Variants in GLP2R observed in about 807,000 individuals in gnomAD.
GLP2R encodes the protein glucagon like peptide 2 receptor.
In GLP2R, 59 loss-of-function variants were observed where a neutral mutation model predicts 68.2. The ratio of observed to expected loss-of-function variants is 0.87; its 90% confidence interval spans 0.70 to 1.07. The LOEUF (loss-of-function observed/expected upper bound fraction) is 1.07. GLP2R is among the 50% of genes least tolerant of loss of function. The probability of loss-of-function intolerance (pLI) is 0.00; values close to 1 mark genes in which losing one functional copy is unlikely to be tolerated. For synonymous variants in GLP2R, 270 were observed against 265.4 expected (o/e 1.02, Z -0.17); for missense variants, 548 against 677.4 (o/e 0.81, Z 2.12).
At chr17:9,829,457 A>C (rs953152950) in intron 1 of GLP2R, among the ~76,000 whole-genome samples, 2 of 152,128 alleles carry the variant, frequency 1.3e-5, no homozygotes, top group East Asian at 1.9e-4. Context: ...ATGTTCAACT[A>C]TGAGGATTTT....
At chr17:9,886,086 A>G (rs1212369663) in intron 11 of GLP2R, among the ~76,000 whole-genome samples, 1 of 152,214 alleles carries the variant, frequency 6.6e-6, no homozygotes. Context: ...AGGCAAGAGC[A>G]CAGGTGGGCA....
rs767706625 is a variant in GLP2R at position 9,861,173 on chromosome 17, C to T, written c.960C>T (p.Phe320=). ...FPVLFVVPWG[F]ARAHLENTGC... ...TGCTATTTGTTGTACCCTGGGGTTT[C>T]GCCCGTGCACACCTGGAGAACACAG... Residue 320 remains phenylalanine (F), a synonymous_variant, in exon 8 of 13, where the codon TTC becomes TTT. Coordinates refer to ENST00000262441, the MANE Select transcript of GLP2R (RefSeq NM_004246.3). 2.2e-5 allele frequency: 35 copies of T among 1,613,022 alleles called. 1 individual carries two copies. The highest frequency in any genetic ancestry group is 8.9e-5 in the East Asian group (4 of 44,878).
intron 10 of GLP2R, among the ~76,000 whole-genome samples, chr17:9,879,384 C>A (rs1450182046): frequency 6.6e-6 from 1 of 151,788 alleles, no homozygotes; most frequent in Non-Finnish European, 1.5e-5. Flanking sequence ...ATAGTCCCAG[C>A]TTCTCTGGAG....
chr17:9,862,158 C>T, intron 9 of GLP2R, 68 bp downstream of exon 9: 2 of 1,125,704 alleles, frequency 1.8e-6, no homozygotes, highest in Non-Finnish European at 1.4e-6. Flanking sequence ...CCCGCCCCAC[C>T]CGACTTCTGT....
At chr17:9,887,869 A>G (rs2067257184) in intron 11 of GLP2R, 63 bp from the exon 12 acceptor site, 1 of 1,229,476 alleles carries the variant, frequency 8.1e-7, no homozygotes, top group Non-Finnish European at 1.2e-6. Flanking sequence ...GGACGTTGCC[A>G]GTAACTCTCA....
chr17:9,855,313 A>C (rs2066925204), intron 5 of GLP2R, among the ~76,000 whole-genome samples: 1 of 152,198 alleles, frequency 6.6e-6, no homozygotes, highest in Non-Finnish European at 1.5e-5. Flanking sequence ...TCCCAATCAG[A>C]GGCATTGAGT....
In GLP2R at chr17:9,859,958, G is replaced by A. The variant is rs754665708; in HGVS notation, c.782G>A (p.Arg261His). Residue 261 changes from arginine (R) to histidine (H), a missense_variant, in exon 7 of 13, where the codon CGC becomes CAC. Transcript: ENST00000262441. ...CCTCTGCAGATGTCCACCTCCTGCC[G>A]CTCAGTCCAGGTTCTCTTGCATTAC... ...SYLSEMSTSC[R>H]SVQVLLHYFV... is the part of the protein sequence containing the mutation. The A allele has an allele frequency of 1.3e-5, 21 of 1,604,894 alleles. No homozygotes were observed. The highest frequency in any genetic ancestry group is 3.4e-5 in the Admixed American group (2 of 59,412).
intron 9 of GLP2R, among the ~76,000 whole-genome samples, chr17:9,864,602 A>C (rs1042658856): frequency 7.2e-5 from 11 of 152,040 alleles, no homozygotes. Flanking sequence ...GACTCACTGC[A>C]ACCTCTGCTT....
intron 4 of GLP2R, among the ~76,000 whole-genome samples, chr17:9,851,129 A>G (rs535001282): frequency 6.6e-6 from 1 of 152,344 alleles, no homozygotes; most frequent in African/African-American, 2.4e-5. Context: ...AGAAAGCACA[A>G]AACACACACG....
At chr17:9,866,140 A>G (rs1407979872) in intron 9 of GLP2R, 1 of 334,086 alleles carries the variant, frequency 3.0e-6, no homozygotes, top group African/African-American at 2.2e-5. Flanking sequence ...ATGCAGAAAG[A>G]AGTGAAAGAG....
rs200591890 is a variant in GLP2R, at chr17:9,879,338, AAT to A, written c.1146-1038_1146-1037del. ...AATAAAATAAAATAAAATAAAATAA[AAT>A]AAAATAATTATCCAGGCACAGTTGT... On this transcript the variant is annotated intron_variant, in intron 10 of 12. Coordinates refer to ENST00000262441, the MANE Select transcript of GLP2R (RefSeq NM_004246.3). Among the ~76,000 whole-genome samples, 35 of 97,580 alleles carry A rather than the reference AAT, an allele frequency of 3.6e-4. 3 individuals carry two copies. In the East Asian group the frequency reaches 3.6e-3, roughly 10 times the overall value. The allele number at this position is 97,580 out of a possible 152,430, so 64.0% of individuals were successfully genotyped here.
At chr17:9,872,487 G>A (rs754790775) in intron 10 of GLP2R, among the ~76,000 whole-genome samples, 1 of 152,242 alleles carries the variant, frequency 6.6e-6, no homozygotes, top group Non-Finnish European at 1.5e-5. Context: ...TGAGGCAGGA[G>A]AATCACTTGA....
At chr17:9,852,690 G>C in intron 4 of GLP2R, 1 of 227,592 alleles carries the variant, frequency 4.4e-6, no homozygotes, top group Non-Finnish European at 8.8e-6. Flanking sequence ...TGATGGTTTT[G>C]AGTCTTTTCC....
intron 10 of GLP2R, among the ~76,000 whole-genome samples, chr17:9,871,597 C>T (rs1271366781): frequency 2.0e-5 from 3 of 152,072 alleles, no homozygotes; most frequent in Admixed American, 6.6e-5. Flanking sequence ...TGACAGCAGT[C>T]CTCATTCATA....
At chr17:9,831,741 T>C (rs2066681492) in intron 1 of GLP2R, among the ~76,000 whole-genome samples, 1 of 152,162 alleles carries the variant, frequency 6.6e-6, no homozygotes. Flanking sequence ...AGCTCTGGCC[T>C]GTTCTCCTGT....
chr17:9,854,342 C>A (rs1436830505), intron 4 of GLP2R, among the ~76,000 whole-genome samples, 153 bp from the exon 5 acceptor site: 1 of 152,188 alleles, frequency 6.6e-6, no homozygotes, highest in Non-Finnish European at 1.5e-5. Flanking sequence ...TCTAAACTAC[C>A]CTATTTGGGT....
intron 1 of GLP2R, 103 bp from the exon 2 acceptor site, chr17:9,833,704 T>C: frequency 2.9e-6 from 2 of 695,896 alleles, no homozygotes; most frequent in Middle Eastern, 2.5e-4. Flanking sequence ...TGTGGGCCAT[T>C]GTGGGCACTT....
intron 11 of GLP2R, among the ~76,000 whole-genome samples, chr17:9,882,980 C>A (rs2067210272): frequency 1.7e-5 from 2 of 116,952 alleles, no homozygotes; most frequent in African/African-American, 3.4e-5. Flanking sequence ...AAGTGTGACC[C>A]ATACTCAGGA....
At chr17:9,868,350 C>T (rs778463261) in intron 9 of GLP2R, among the ~76,000 whole-genome samples, 4 of 152,172 alleles carry the variant, frequency 2.6e-5, no homozygotes, top group Admixed American at 6.5e-5. Flanking sequence ...CCTGAGCTCC[C>T]GCTATACCGG....
Sources: gnomAD v4.1 joint callset for allele counts (sites outside exome capture counted in the v4.1 genomes callset) on GRCh38, gnomAD v4.1.1 for gene constraint, MANE v1.5 for transcripts, NCBI Gene and HGNC (gene_info 2026-07-23, HGNC 2026-07-21) for gene names.